SH3BGRL: variants seen among roughly 807,000 people sequenced by gnomAD.
SH3BGRL encodes the protein SH3 domain binding glutamate rich protein like, also known as adapter SH3BGRL.
Under a neutral mutation model 9.8 loss-of-function variants are expected in SH3BGRL, and 7 were observed. That is an observed-to-expected ratio of 0.72 (90% CI 0.41 to 1.35). SH3BGRL has a LOEUF of 1.35. SH3BGRL is among the 40% of genes most tolerant of loss of function. The probability of loss-of-function intolerance (pLI) is 0.01; values close to 1 mark genes in which losing one functional copy is unlikely to be tolerated. For synonymous variants in SH3BGRL, 36 were observed against 29.1 expected (o/e 1.24, Z -0.76); for missense variants, 73 against 84.4 (o/e 0.86, Z 0.53).
chrX:81,284,806 A>G (rs1386190488), intron 3 of SH3BGRL, among the ~76,000 whole-genome samples: 3 of 110,944 alleles, frequency 2.7e-5, no homozygotes, highest in Admixed American at 9.6e-5. Context: ...AAATAAATAA[A>G]TAAATAAACA....
At chrX:81,240,179 C>T (rs771443398) in intron 1 of SH3BGRL, among the ~76,000 whole-genome samples, 20 of 111,994 alleles carry the variant, frequency 1.8e-4, no homozygotes, top group African/African-American at 5.2e-4. Flanking sequence ...AAGAACTAAA[C>T]GATAAACCAA....
chrX:81,223,721 G>A (rs1602598266), intron 1 of SH3BGRL, among the ~76,000 whole-genome samples: 2 of 110,031 alleles, frequency 1.8e-5, no homozygotes, highest in Admixed American at 9.6e-5. Context: ...TTTTCTTTGC[G>A]ATAGGGTCAC....
chrX:81,295,112 G>A (rs1256353504), intron 3 of SH3BGRL, among the ~76,000 whole-genome samples: 1 of 111,887 alleles, frequency 8.9e-6, no homozygotes, highest in Non-Finnish European at 1.9e-5. Flanking sequence ...TCAGACTGTG[G>A]ATTTTTGGTT....
intron 2 of SH3BGRL, 108 bp downstream of exon 2, chrX:81,277,277 A>G (rs2075801712): frequency 4.8e-6 from 3 of 630,094 alleles, no homozygotes; most frequent in South Asian, 2.9e-5. Flanking sequence ...TATCTCTTGC[A>G]TATAGTCATT....
At chrX:81,258,772 G>A (rs189817467) in intron 1 of SH3BGRL, among the ~76,000 whole-genome samples, 1 of 111,990 alleles carries the variant, frequency 8.9e-6, no homozygotes, top group African/African-American at 3.2e-5. Flanking sequence ...TCACAGTGTA[G>A]GACAGTGCCT....
chrX:81,266,035 T>C (rs745929106), intron 1 of SH3BGRL, among the ~76,000 whole-genome samples: 9 of 112,421 alleles, frequency 8.0e-5, no homozygotes, highest in Non-Finnish European at 1.5e-4. Context: ...CCCATTTTTT[T>C]GATGCAGTTG....
At chrX:81,293,925 G>T (rs1220610039) in intron 3 of SH3BGRL, among the ~76,000 whole-genome samples, 1 of 111,880 alleles carries the variant, frequency 8.9e-6, no homozygotes, top group East Asian at 2.8e-4. Flanking sequence ...TTTTAGCAAA[G>T]AGACTGGTGG....
At chrX:81,293,478 T>A (rs2075864555) in intron 3 of SH3BGRL, among the ~76,000 whole-genome samples, 1 of 110,748 alleles carries the variant, frequency 9.0e-6, no homozygotes, top group Admixed American at 9.6e-5. Context: ...AGATCAGGAG[T>A]TTGAGACCAG....
chrX:81,249,022 C>T (rs1263789686), intron 1 of SH3BGRL, among the ~76,000 whole-genome samples: 1 of 112,295 alleles, frequency 8.9e-6, no homozygotes, highest in African/African-American at 3.2e-5. Flanking sequence ...CATTTTCCTT[C>T]TTGAATTAAA....
Position 81,297,035 on chromosome X carries a change from T to G in SH3BGRL, c.313-160T>G, listed in dbSNP as rs2075877465. On this transcript the variant is annotated intron_variant, in intron 3 of 3. Coordinates refer to ENST00000373212, the MANE Select transcript of SH3BGRL (RefSeq NM_003022.3). ...GTGTATCTGTTTCTAGAAATCTGTTTGTATTATATAGTTTTTCTATTAAGA... is the reference window on the plus strand; with the variant it reads ...GTGTATCTGTTTCTAGAAATCTGTTGGTATTATATAGTTTTTCTATTAAGA... Among the ~76,000 whole-genome samples, 4 of 112,236 alleles carry G rather than the reference T, an allele frequency of 3.6e-5. No individual in the cohort carries two copies. In the Admixed American group the frequency reaches 3.8e-4, roughly 11 times the overall value.
chrX:81,285,508 T>C (rs1042569090), intron 3 of SH3BGRL, among the ~76,000 whole-genome samples: 9 of 111,804 alleles, frequency 8.0e-5, no homozygotes, highest in African/African-American at 2.9e-4. Context: ...GAAATAATCC[T>C]ATACGTGGAA....
rs1023534216 is a variant in SH3BGRL, at chrX:81,202,229, C to A, written c.29C>A (p.Ser10Tyr). 8.3e-7 allele frequency: 1 copy of A among 1,206,286 alleles called. No homozygotes were observed. Among genetic ancestry groups the A allele is most frequent in the Non-Finnish European group, 1.1e-6 (1 of 893,309 alleles). ...GTGATCCGTGTATATATTGCATCTT[C>A]CTCTGGCTCTACAGCGGTAAGGAGA... MVIRVYIAS[S>Y]SGSTAIKKKQ... The change falls in exon 1 of 4, where the codon TCC (serine) becomes TAC (tyrosine). Residue 10 changes from serine to tyrosine, a missense_variant. Coordinates refer to ENST00000373212, the MANE Select transcript of SH3BGRL (RefSeq NM_003022.3).
chrX:81,290,752 A>G (rs1396772974), intron 3 of SH3BGRL, among the ~76,000 whole-genome samples: 2 of 111,581 alleles, frequency 1.8e-5, no homozygotes, highest in Non-Finnish European at 3.8e-5. Context: ...TACAAACAAT[A>G]CATATTGGAG....
At chrX:81,205,960 G>C (rs927676157) in intron 1 of SH3BGRL, among the ~76,000 whole-genome samples, 2 of 111,511 alleles carry the variant, frequency 1.8e-5, no homozygotes, top group African/African-American at 6.5e-5. Flanking sequence ...CTGATGGTTA[G>C]TGATGCGGAA....
At chrX:81,272,038 CA>C (rs759739382) in intron 1 of SH3BGRL, among the ~76,000 whole-genome samples, 19 of 106,810 alleles carry the variant, frequency 1.8e-4, no homozygotes, top group Non-Finnish European at 2.5e-4. Flanking sequence ...ACTAAAAATA[CA>C]AAAAAAAATT....
At chrX:81,234,934 A>G (rs987430380) in intron 1 of SH3BGRL, among the ~76,000 whole-genome samples, 2 of 111,946 alleles carry the variant, frequency 1.8e-5, no homozygotes, top group African/African-American at 6.5e-5. Context: ...TGTAAAGCTG[A>G]ACAATTTAAA....
At chrX:81,265,409 T>C (rs2075753847) in intron 1 of SH3BGRL, among the ~76,000 whole-genome samples, 1 of 109,693 alleles carries the variant, frequency 9.1e-6, no homozygotes, top group South Asian at 4.1e-4. Context: ...CCTCCCTGTG[T>C]CCAAGTGTTC....
At chrX:81,286,523 AAG>A (rs1189193636) in intron 3 of SH3BGRL, among the ~76,000 whole-genome samples, 125 of 91,351 alleles carry the variant, frequency 1.4e-3, no homozygotes, top group African/African-American at 4.5e-3. Flanking sequence ...AAAAAAAAAA[AAG>A]AGAGGGGAAA....
chrX:81,239,543 G>A (rs1461940750), intron 1 of SH3BGRL, among the ~76,000 whole-genome samples: 2 of 111,410 alleles, frequency 1.8e-5, no homozygotes, highest in East Asian at 5.6e-4. Flanking sequence ...GGTGGAAAAG[G>A]GCAAATCTAA....
Sources: gnomAD v4.1 joint callset for allele counts (sites outside exome capture counted in the v4.1 genomes callset) on GRCh38, gnomAD v4.1.1 for gene constraint, MANE v1.5 for transcripts, NCBI Gene and HGNC (gene_info 2026-07-23, HGNC 2026-07-21) for gene names.